Variants in NDUFB6 observed in about 807,000 individuals in gnomAD.
NDUFB6 encodes NADH:ubiquinone oxidoreductase subunit B6, also known as NADH dehydrogenase [ubiquinone] 1 beta subcomplex subunit 6.
Under a neutral mutation model 17.5 loss-of-function variants are expected in NDUFB6, and 23 were observed. That is an observed-to-expected ratio of 1.31 (90% confidence interval 0.94 to 1.86). NDUFB6 has a LOEUF of 1.86. NDUFB6 is among the 40% of genes most tolerant of loss of function. The pLI is 0.00. For missense variants in NDUFB6, 167 were observed against 153.8 expected (o/e 1.09, Z -0.46); for synonymous variants, 60 against 53.5 (o/e 1.12, Z -0.53).
intron 2 of NDUFB6, among the ~76,000 whole-genome samples, chr9:32,562,987 C>T (rs1821669806): frequency 6.6e-6 from 1 of 152,234 alleles, no homozygotes; most frequent in Non-Finnish European, 1.5e-5. Flanking sequence ...TGTTCTTTAA[C>T]ATTCATGATC....
chr9:32,570,822 C>A, intron 2 of NDUFB6, 138 bp downstream of exon 2: 2 of 517,472 alleles, frequency 3.9e-6, no homozygotes, highest in Non-Finnish European at 6.7e-6. Flanking sequence ...TTCATTAAAC[C>A]TTTTACCTAA....
At chr9:32,560,762 A>G (rs1026500892) in intron 2 of NDUFB6, among the ~76,000 whole-genome samples, 2 of 152,254 alleles carry the variant, frequency 1.3e-5, no homozygotes, top group Non-Finnish European at 2.9e-5. Flanking sequence ...AGAAGAGTTC[A>G]ACTTCAATTA....
chr9:32,572,684 C>T (rs1022820602), intron 1 of NDUFB6, among the ~76,000 whole-genome samples, 197 bp downstream of exon 1: 2 of 152,188 alleles, frequency 1.3e-5, no homozygotes, highest in Non-Finnish European at 2.9e-5. Context: ...CAGTAAAAGG[C>T]ATGATTCTCT....
At chr9:32,561,692 C>T (rs1348264930) in intron 2 of NDUFB6, among the ~76,000 whole-genome samples, 1 of 152,174 alleles carries the variant, frequency 6.6e-6, no homozygotes, top group Non-Finnish European at 1.5e-5. Context: ...CTTGTAATTT[C>T]CAAGGCTAGA....
chr9:32,571,118 G>C, intron 1 of NDUFB6, 66 bp from the exon 2 acceptor site: 3 of 1,078,824 alleles, frequency 2.8e-6, no homozygotes, highest in Non-Finnish European at 4.1e-6. Flanking sequence ...CAGAACAAAA[G>C]GCATCAATGA....
chr9:32,566,513 G>C, intron 2 of NDUFB6: 1 of 773,108 alleles, frequency 1.3e-6, no homozygotes, highest in Admixed American at 1.8e-5. Flanking sequence ...GGTGTGCAGA[G>C]ACGGCTGCCA....
chr9:32,560,676 T>C lies in NDUFB6; in HGVS notation c.274-1722A>G, dbSNP rs145366915. Among the ~76,000 whole-genome samples the C allele has an allele frequency of 3.0e-3, 457 of 152,292 alleles. 1 individual carries two copies. Among genetic ancestry groups the C allele is most frequent in the Non-Finnish European group, 5.2e-3 (351 of 68,004 alleles). On this transcript the variant is annotated intron_variant, in intron 2 of 3. Coordinates refer to ENST00000379847, the MANE Select transcript of NDUFB6 (RefSeq NM_002493.5). ...ACCATATAAATACTTCGAAATAAAA[T>C]TGAACACACAAAATGTATAAATACA...
rs894110598 is a variant in NDUFB6 at position 32,569,038 on chromosome 9, C to T, written c.273+1922G>A. Among the ~76,000 whole-genome samples the T allele has an allele frequency of 6.6e-5, 10 of 151,614 alleles. No homozygotes were observed. The South Asian group carries it at 8.3e-4, about 13-fold the overall frequency. Reference sequence around the variant, plus strand: ...TGGTAGGATTACAGGCGTGGGACACCGCGCCCCGCCTGCTATCTTATATTA... The same window carrying T: ...TGGTAGGATTACAGGCGTGGGACACTGCGCCCCGCCTGCTATCTTATATTA... On this transcript the variant is annotated intron_variant, in intron 2 of 3. Coordinates refer to ENST00000379847, the MANE Select transcript of NDUFB6 (RefSeq NM_002493.5).
chr9:32,558,668 C>A (rs1053353989), intron 3 of NDUFB6, among the ~76,000 whole-genome samples: 1 of 152,158 alleles, frequency 6.6e-6, no homozygotes, highest in Admixed American at 6.5e-5. Context: ...TCACAAAACA[C>A]GTTTTACAGC....
intron 2 of NDUFB6, among the ~76,000 whole-genome samples, chr9:32,569,041 G>A (rs1354606739): frequency 6.6e-6 from 1 of 151,542 alleles, no homozygotes; most frequent in East Asian, 2.0e-4. Context: ...GGGACACCGC[G>A]CCCCGCCTGC....
intron 2 of NDUFB6, among the ~76,000 whole-genome samples, chr9:32,569,985 ATT>A: frequency 6.6e-6 from 1 of 152,192 alleles, no homozygotes; most frequent in East Asian, 1.9e-4. Flanking sequence ...TTGGAACTGC[ATT>A]GTTCTACAAC....
Position 32,553,534 on chromosome 9 carries a change from C to CATT in NDUFB6, c.*339_*341dup, listed in dbSNP as rs1156590919. The CATT allele has an allele frequency of 9.2e-6, 2 of 217,680 alleles. No homozygotes were observed. Among genetic ancestry groups the CATT allele is most frequent in the African/African-American group, 4.7e-5 (2 of 42,474 alleles). 13.5% of individuals were successfully genotyped at this position (217,680 alleles called of 1,614,324 possible). Reference sequence around the variant, plus strand: ...AAAGTGCATGGAATTGCTGTTCTTACATTTGTTTATTGTGATATTTCACTG... The same window carrying CATT: ...AAAGTGCATGGAATTGCTGTTCTTACATTATTTGTTTATTGTGATATTTCACTG... On this transcript the variant is annotated 3_prime_UTR_variant, in exon 4 of 4. Transcript: ENST00000379847.
At chr9:32,566,135 T>G (rs1821781239) in intron 2 of NDUFB6, 3 of 609,304 alleles carry the variant, frequency 4.9e-6, no homozygotes, top group South Asian at 2.2e-5. Flanking sequence ...GACGAGAATA[T>G]GGTGTGTATA....
chr9:32,566,274 G>A (rs948639262), intron 2 of NDUFB6: 1 of 1,143,074 alleles, frequency 8.7e-7, no homozygotes, highest in Admixed American at 1.7e-5. Flanking sequence ...TAGGTTCTCT[G>A]AGGTAGAAAG....
chr9:32,572,886 T>G lies in NDUFB6; in HGVS notation c.175A>C (p.Lys59Gln), dbSNP rs760312969. ...CGGAGAGGTCTGTCACTCACCATTT[T>G]CCTCCAAGGGGATTTATTCTCCAAA... ...KFLENKSPWRKMVHGVYKKSI... is the reference protein window; with the variant it reads ...KFLENKSPWRQMVHGVYKKSI... The change falls in exon 1 of 4, where the codon AAA (lysine) becomes CAA (glutamine). Residue 59 changes from lysine to glutamine, a missense_variant. By Grantham distance (53) the Lys-to-Gln change is moderately conservative. Transcript: ENST00000379847. 6.3e-7 allele frequency: 1 copy of G among 1,580,706 alleles called. No individual in the cohort carries two copies. Among genetic ancestry groups the G allele is most frequent in the Non-Finnish European group, 8.6e-7 (1 of 1,162,202 alleles).
At chr9:32,556,591 G>A (rs567265325) in intron 3 of NDUFB6, among the ~76,000 whole-genome samples, 1 of 152,288 alleles carries the variant, frequency 6.6e-6, no homozygotes, top group South Asian at 2.1e-4. Context: ...AAACAAGAAA[G>A]AACCACAGTG....
intron 3 of NDUFB6, among the ~76,000 whole-genome samples, chr9:32,555,561 A>C (rs1389963210): frequency 6.6e-6 from 1 of 152,278 alleles, no homozygotes; most frequent in Non-Finnish European, 1.5e-5. Context: ...TAAACACATT[A>C]GATGTCTACC....
intron 2 of NDUFB6, chr9:32,566,540 T>C (rs1587648429): frequency 5.2e-6 from 4 of 772,988 alleles, no homozygotes; most frequent in Non-Finnish European, 7.2e-6. Flanking sequence ...GCTCCTCTGT[T>C]GTATAGCTGC....
At chr9:32,571,098 A>G (rs1005538706) in intron 1 of NDUFB6, 46 bp from the exon 2 acceptor site, 2 of 1,334,568 alleles carry the variant, frequency 1.5e-6, no homozygotes, top group Non-Finnish European at 2.1e-6. Context: ...CCCATTTTTT[A>G]TATTTATGGC....
Sources: gnomAD v4.1 joint callset for allele counts (sites outside exome capture counted in the v4.1 genomes callset) on GRCh38, gnomAD v4.1.1 for gene constraint, MANE v1.5 for transcripts, NCBI Gene and HGNC (gene_info 2026-07-23, HGNC 2026-07-21) for gene names.